The following ZBTB25 variants were observed in gnomAD, a reference collection of about 807,000 sequenced individuals.
ZBTB25 encodes the protein zinc finger and BTB domain containing 25, also known as zinc finger and BTB domain-containing protein 25.
In ZBTB25, 20 loss-of-function variants were observed where a neutral mutation model predicts 34.2. The observed-to-expected ratio is 0.58, with a 90% CI of 0.41 to 0.85. The LOEUF (loss-of-function observed/expected upper bound fraction) is 0.85, where lower values mean the gene tolerates loss of function less well. Ranked by LOEUF, ZBTB25 falls within the 40% of genes least tolerant of loss-of-function variation. The pLI is 0.00. For missense variants in ZBTB25, 437 were observed against 521.8 expected, an observed-to-expected ratio of 0.84 and a Z score of 1.58; for synonymous variants, 175 against 186.4, an observed-to-expected ratio of 0.94 and a Z score of 0.50.
At chr14:64,477,779 T>C (rs985172012), downstream of ZBTB25, among the ~76,000 whole-genome samples, 3 of 152,196 alleles carry the variant, frequency 2.0e-5, no homozygotes, top group Non-Finnish European at 4.4e-5. Context: ...GCTTCCACTA[T>C]AGAAAAAATG....
Position 64,487,572 on chromosome 14 carries a change from G to A in ZBTB25, c.659C>T (p.Ser220Leu). 2 of 1,609,436 alleles carry A rather than the reference G, an allele frequency of 1.2e-6. No homozygotes were observed. Among genetic ancestry groups the A allele is most frequent in the Non-Finnish European group, 1.7e-6 (2 of 1,176,372 alleles). Reference protein sequence around the residue: ...PESVISQSHPSPSSEVTGPTF... With the variant: ...PESVISQSHPLPSSEVTGPTF... ...GGGGCCTGTCACCTCTGATGAGGGT[G>A]AGGGGTGGCTCTGGGAGATCACAGA... Residue 220 changes from serine (S) to leucine (L), a missense_variant, in exon 3 of 3, where the codon TCA (serine) becomes TTA (leucine). Physicochemically the swap from Ser to Leu is moderately radical, Grantham distance 145. Coordinates refer to ENST00000608382, the MANE Select transcript of ZBTB25 (RefSeq NM_006977.5).
intron 2 of ZBTB25, chr14:64,462,940 T>C (rs11158542): frequency 0.29 from 43,549 of 151,972 alleles, 6,658 homozygotes; most frequent in East Asian, 0.56. Flanking sequence ...TGGGTAGAGA[T>C]CAAGATGGGA....
At chr14:64,461,074 A>G (rs2140996879) in intron 2 of ZBTB25, 1 of 151,676 alleles carries the variant, frequency 6.6e-6, no homozygotes, top group East Asian at 2.0e-4. Context: ...TTTATCTTCT[A>G]TCTCTGTTCT....
chr14:64,460,946 A>G (rs990516283), intron 2 of ZBTB25: 1 of 151,970 alleles, frequency 6.6e-6, no homozygotes, highest in Admixed American at 6.6e-5. Flanking sequence ...GAATTGCTTG[A>G]ACCCAGGAGG....
At position 64,485,923 on chromosome 14, in the gene ZBTB25, T is replaced by C; in HGVS notation, c.*1000A>G. 1 of 985,446 alleles carries C rather than the reference T, an allele frequency of 1.0e-6. No homozygotes were observed. The highest frequency in any genetic ancestry group is 1.2e-6 in the Non-Finnish European group (1 of 829,926). 61.0% of individuals were successfully genotyped at this position (985,446 alleles called of 1,614,324 possible). A position where few individuals can be genotyped will look rare whatever the true frequency, so the allele number is the denominator to read the frequency against. On this transcript the variant is annotated 3_prime_UTR_variant, in exon 3 of 3. Coordinates refer to ENST00000608382, the MANE Select transcript of ZBTB25 (RefSeq NM_006977.5). ...ATGCAGTTCTAGCTCAGTCTCTGTC[T>C]CTGCATGCTTATTTATCTATGTGTG...
chr14:64,490,444 A>G lies in ZBTB25; in HGVS notation c.90T>C (p.Ile30=). 6 of 1,614,012 alleles carry G rather than the reference A, an allele frequency of 3.7e-6. No individual in the cohort carries two copies. The highest frequency in any genetic ancestry group is 5.1e-6 in the Non-Finnish European group (6 of 1,179,928). The part of the protein sequence containing the change: ...FGFLCDCTVA[I]GDVYFKAHRA... ...TGTGGGCTTTGAAGTAAACATCTCC[A>G]ATTGCAACTGTGCAATCACACAGAA... The change falls in exon 2 of 3, where the codon ATT becomes ATC. Residue 30 remains isoleucine (I), a synonymous_variant. Coordinates refer to ENST00000608382, the MANE Select transcript of ZBTB25 (RefSeq NM_006977.5).
chr14:64,499,849 G>A (rs990056789), intron 1 of ZBTB25, among the ~76,000 whole-genome samples: 9 of 152,210 alleles, frequency 5.9e-5, no homozygotes, highest in African/African-American at 1.7e-4. Flanking sequence ...AGCAAAGAGG[G>A]TATGGAGGGG....
In ZBTB25 at chr14:64,487,565, T is replaced by C; in HGVS notation, c.666A>G (p.Ser222=). The change falls in exon 3 of 3, where the codon TCA becomes TCG. Residue 222 remains serine (S), a synonymous_variant. Transcript: ENST00000608382. The part of the protein sequence containing the change: ...SVISQSHPSP[S]SEVTGPTFTE... The stretch of plus-strand genomic sequence containing the variant: ...TAAAAGTGGGGCCTGTCACCTCTGA[T>C]GAGGGTGAGGGGTGGCTCTGGGAGA... 6.2e-7 allele frequency: 1 copy of C among 1,610,022 alleles called. No homozygotes were observed. The highest frequency in any genetic ancestry group is 1.1e-5 in the South Asian group (1 of 90,888).
chr14:64,469,092 T>C (rs1276381982), intron 2 of ZBTB25: 3 of 1,613,944 alleles, frequency 1.9e-6, no homozygotes, highest in East Asian at 2.2e-5. Context: ...CTTGAAGAAA[T>C]TGAAACGATC....
At chr14:64,504,726 A>G, upstream of ZBTB25, 1 of 373,130 alleles carries the variant, frequency 2.7e-6, no homozygotes, top group Non-Finnish European at 4.8e-6. Context: ...GGGCCGGCTC[A>G]GTGCGGTGCG....
At chr14:64,460,210 G>C (rs1325496377) in intron 2 of ZBTB25, 1 of 346,088 alleles carries the variant, frequency 2.9e-6, no homozygotes, top group African/African-American at 2.0e-5. Flanking sequence ...CCTCCTGAGA[G>C]GGTTGGGTTG....
At chr14:64,468,571 A>C in intron 2 of ZBTB25, 1 of 1,614,034 alleles carries the variant, frequency 6.2e-7, no homozygotes, top group African/African-American at 1.3e-5. Flanking sequence ...CTGATGTGGC[A>C]AGGAAGTGTC....
At chr14:64,460,984 C>G (rs1442022431) in intron 2 of ZBTB25, 1 of 152,182 alleles carries the variant, frequency 6.6e-6, no homozygotes, top group Non-Finnish European at 1.5e-5. Flanking sequence ...CAGGATCATG[C>G]TGCTGCACTC....
rs1051300003 is a variant in ZBTB25 at position 64,485,381 on chromosome 14, G to A, written c.*1542C>T. The A allele has an allele frequency of 2.0e-6, 2 of 985,298 alleles. No individual in the cohort carries two copies. The highest frequency in any genetic ancestry group is 3.5e-5 in the African/African-American group (2 of 57,238). 61.0% of individuals were successfully genotyped at this position (985,298 alleles called of 1,614,324 possible). ...CAAGAGGGCAAAAAAAGATGAGTCTGTTTTATTATCCTTGACTATGCGGGG... is the reference window on the plus strand; with the variant it reads ...CAAGAGGGCAAAAAAAGATGAGTCTATTTTATTATCCTTGACTATGCGGGG... On this transcript the variant is annotated 3_prime_UTR_variant, in exon 3 of 3. Transcript: ENST00000608382.
chr14:64,504,963 T>C, upstream of ZBTB25: 2 of 394,748 alleles, frequency 5.1e-6, no homozygotes, highest in Admixed American at 8.9e-5. Context: ...ATTTGCCAGT[T>C]GTGGGGCTAT....
At chr14:64,470,865 A>G (rs1293370398) in intron 2 of ZBTB25, 2 of 167,034 alleles carry the variant, frequency 1.2e-5, no homozygotes, top group Non-Finnish European at 2.9e-5. Context: ...TTCATCTTGC[A>G]GAATTACTTC....
intron 1 of ZBTB25, among the ~76,000 whole-genome samples, chr14:64,501,732 C>G (rs1397000577): frequency 1.3e-5 from 2 of 152,174 alleles, no homozygotes; most frequent in African/African-American, 2.4e-5. Context: ...GCAACACTTC[C>G]CAGCACAGCC....
In ZBTB25 at chr14:64,487,594, C is replaced by A; in HGVS notation, c.637G>T (p.Val213Leu). ...GGTGAGGGGTGGCTCTGGGAGATCA[C>A]AGATTCTGGGTCACATCTCTCCTGC... ...IKQERCDPES[V>L]ISQSHPSPSS... Residue 213 changes from valine (V) to leucine (L), a missense_variant, in exon 3 of 3, where the codon GTG becomes TTG. Coordinates refer to ENST00000608382, the MANE Select transcript of ZBTB25 (RefSeq NM_006977.5). The A allele has an allele frequency of 6.2e-7, 1 of 1,606,470 alleles. No homozygotes were observed. The highest frequency in any genetic ancestry group is 8.5e-7 in the Non-Finnish European group (1 of 1,175,270).
chr14:64,469,187 G>A, intron 2 of ZBTB25: 1 of 1,614,134 alleles, frequency 6.2e-7, no homozygotes, highest in Non-Finnish European at 8.5e-7. Context: ...ACTTTCTGAT[G>A]TTCCTCCTTT....
Sources: allele counts gnomAD v4.1 joint callset (sites outside exome capture counted in the v4.1 genomes callset), GRCh38; gene constraint gnomAD v4.1.1; transcripts MANE v1.5; gene names NCBI Gene and HGNC (gene_info 2026-07-23, HGNC 2026-07-21).